ANK3: variants seen among roughly 807,000 people sequenced by gnomAD.
ANK3 encodes ankyrin 3, also known as ankyrin-3.
ANK3 carries 57 observed loss-of-function variants against 370.9 expected under a neutral mutation model. That is an observed-to-expected ratio of 0.15 (90% confidence interval 0.12 to 0.19). ANK3 has a LOEUF of 0.19. Among genes scored for constraint, ANK3 ranks in the 10% least tolerant of loss-of-function variants. The pLI is 1.00. For synonymous variants in ANK3, 1,929 were observed against 1,946.3 expected (o/e 0.99, Z 0.23); for missense variants, 4,439 against 5,302.1 (o/e 0.84, Z 5.06).
intron 2 of ANK3, among the ~76,000 whole-genome samples, chr10:60,428,189 G>T (rs1297145688): frequency 1.3e-5 from 2 of 152,136 alleles, no homozygotes; most frequent in Non-Finnish European, 2.9e-5. Context: ...ACCTGTATGG[G>T]TCATCACTGA....
intron 2 of ANK3, among the ~76,000 whole-genome samples, chr10:60,484,457 G>GCGA (rs2133107488): frequency 6.6e-6 from 1 of 152,244 alleles, no homozygotes; most frequent in Admixed American, 6.5e-5. Context: ...CTATCTATTA[G>GCGA]AGATATGTGG....
At chr10:60,266,577 A>G (rs1195626767) in intron 5 of ANK3, among the ~76,000 whole-genome samples, 2 of 152,212 alleles carry the variant, frequency 1.3e-5, no homozygotes, top group African/African-American at 4.8e-5. Flanking sequence ...GAGAATTTTA[A>G]AATTCACAGG....
At chr10:60,316,758 T>C (rs2047515108) in intron 1 of ANK3, among the ~76,000 whole-genome samples, 1 of 152,186 alleles carries the variant, frequency 6.6e-6, no homozygotes, top group African/African-American at 2.4e-5. Context: ...TTTTTATTTT[T>C]TTTTATTGAG....
chr10:60,361,132 C>T (rs1242587334), intron 1 of ANK3, among the ~76,000 whole-genome samples: 2 of 152,190 alleles, frequency 1.3e-5, no homozygotes, highest in African/African-American at 4.8e-5. Context: ...TGGATCAATT[C>T]TATTTTTTGA....
At chr10:60,204,128 A>G (rs2096725684) in intron 11 of ANK3, among the ~76,000 whole-genome samples, 1 of 152,228 alleles carries the variant, frequency 6.6e-6, no homozygotes, top group Non-Finnish European at 1.5e-5. Flanking sequence ...AAAGACAGAA[A>G]AGGAATAATT....
At chr10:60,120,102 G>GA (rs1565139125) in intron 25 of ANK3, among the ~76,000 whole-genome samples, 1 of 152,036 alleles carries the variant, frequency 6.6e-6, no homozygotes, top group African/African-American at 2.4e-5. Context: ...ATGGTGCTGG[G>GA]AAAAAATCAG....
intron 42 of ANK3, among the ~76,000 whole-genome samples, chr10:60,045,989 C>A (rs10994164): frequency 6.6e-6 from 1 of 150,942 alleles, no homozygotes; most frequent in East Asian, 1.9e-4. Context: ...TGACAATGGG[C>A]GGGACATTTA....
rs202202932 is a variant in ANK3 at position 60,694,125 on chromosome 10, G to A, written c.57+39138C>T. Among the ~76,000 whole-genome samples the A allele has an allele frequency of 2.2e-3, 338 of 152,278 alleles. 8 individuals carry two copies. Among genetic ancestry groups the A allele is most frequent in the Admixed American group, 0.02 (309 of 15,306 alleles). ...ATGCAGAAGCCTCAGGAGCCGATGC[G>A]ATCAACTGGAAGAAAGGGTATCAGT... On this transcript the variant is annotated intron_variant, in intron 1 of 43. Transcript: ENST00000373827.
At chr10:60,572,014 T>C (rs1290119107) in intron 2 of ANK3, among the ~76,000 whole-genome samples, 2 of 152,238 alleles carry the variant, frequency 1.3e-5, no homozygotes, top group Non-Finnish European at 2.9e-5. Flanking sequence ...CTCCATGCTG[T>C]AATTTTAAAG....
At chr10:60,378,333 C>A (rs1302616022) in intron 1 of ANK3, among the ~76,000 whole-genome samples, 3 of 152,068 alleles carry the variant, frequency 2.0e-5, no homozygotes, top group Admixed American at 6.6e-5. Context: ...TTAAAGCCAG[C>A]TTTTTCCACA....
chr10:60,445,701 C>T lies in ANK3; in HGVS notation c.97-166062G>A, dbSNP rs115058987. 2.5e-3 allele frequency among the ~76,000 whole-genome samples: 380 copies of T among 152,184 alleles called. 1 individual carries two copies. The highest frequency in any genetic ancestry group is 8.4e-3 in the African/African-American group (348 of 41,516). ...TTAAACAAGAATTTCTGGGTAACTC[C>T]CAATCAGAATGGTAACATAAACAGT... On this transcript the variant is annotated intron_variant, in intron 2 of 43. Coordinates refer to the ANK3 transcript ENST00000373827.
intron 22 of ANK3, 21 bp from the exon 23 acceptor site, chr10:60,166,674 A>G: frequency 6.2e-7 from 1 of 1,611,574 alleles, no homozygotes; most frequent in Non-Finnish European, 8.5e-7. Flanking sequence ...GAAGTGAACA[A>G]TATAAGTGGA....
At chr10:60,668,325 T>C (rs2079024447) in intron 1 of ANK3, among the ~76,000 whole-genome samples, 1 of 151,384 alleles carries the variant, frequency 6.6e-6, no homozygotes, top group African/African-American at 2.5e-5. Flanking sequence ...CCCTGAAACA[T>C]AAGAACTACT....
At chr10:60,491,324 C>T (rs745364359) in intron 2 of ANK3, among the ~76,000 whole-genome samples, 4 of 152,128 alleles carry the variant, frequency 2.6e-5, no homozygotes, top group Non-Finnish European at 4.4e-5. Context: ...TATTGTCTTG[C>T]ATAAATCAAC....
At chr10:60,637,876 T>A (rs2078577081) in intron 1 of ANK3, among the ~76,000 whole-genome samples, 1 of 152,114 alleles carries the variant, frequency 6.6e-6, no homozygotes, top group Admixed American at 6.6e-5. Flanking sequence ...ATTCAGACAT[T>A]GAAAAACAAG....
At chr10:60,503,349 T>C (rs544134849) in intron 2 of ANK3, among the ~76,000 whole-genome samples, 1 of 152,324 alleles carries the variant, frequency 6.6e-6, no homozygotes, top group Non-Finnish European at 1.5e-5. Context: ...AGAGGTGACA[T>C]TTATTGATCA....
intron 2 of ANK3, among the ~76,000 whole-genome samples, chr10:60,440,909 C>T (rs1277236603): frequency 6.6e-6 from 1 of 152,080 alleles, no homozygotes; most frequent in African/African-American, 2.4e-5. Context: ...AAATGGAAAA[C>T]TAAAAAAGGG....
chr10:60,500,405 T>TGG (rs1046249915), intron 2 of ANK3, among the ~76,000 whole-genome samples: 1 of 152,114 alleles, frequency 6.6e-6, no homozygotes, highest in African/African-American at 2.4e-5. Context: ...TTTCAATTTG[T>TGG]GGAAGGTATT....
chr10:60,676,994 C>T (rs1164272482), intron 1 of ANK3, among the ~76,000 whole-genome samples: 2 of 152,098 alleles, frequency 1.3e-5, no homozygotes, highest in Admixed American at 6.6e-5. Context: ...ATCAAAATAC[C>T]ACATGTATCA....
Sources: gnomAD v4.1 joint callset for allele counts (sites outside exome capture counted in the v4.1 genomes callset) on GRCh38, gnomAD v4.1.1 for gene constraint, MANE v1.5 for transcripts, NCBI Gene and HGNC (gene_info 2026-07-23, HGNC 2026-07-21) for gene names.